JAG1: variants seen among roughly 807,000 people sequenced by gnomAD.
The protein encoded by JAG1 is jagged canonical Notch ligand 1.
A neutral mutation model predicts 148.7 loss-of-function variants in JAG1; 23 were observed. The observed-to-expected ratio is 0.15, with a 90% CI of 0.11 to 0.22. The LOEUF (loss-of-function observed/expected upper bound fraction) is 0.22. Ranked by LOEUF, JAG1 falls within the 10% of genes least tolerant of loss-of-function variation. The pLI, the probability that JAG1 is intolerant of heterozygous loss-of-function variation, is 1.00. For missense variants in JAG1, 1,054 were observed against 1,611.2 expected (o/e 0.65, Z 5.92); for synonymous variants, 572 against 598.3 (o/e 0.96, Z 0.64).
intron 2 of JAG1, among the ~76,000 whole-genome samples, chr20:10,664,530 C>T (rs1387313560): frequency 6.6e-6 from 1 of 152,116 alleles, no homozygotes; most frequent in Non-Finnish European, 1.5e-5. Flanking sequence ...TTTTTAGAAC[C>T]CCTTTGAAAA....
intron 2 of JAG1, among the ~76,000 whole-genome samples, chr20:10,664,545 GTCTA>G (rs997907201): frequency 3.9e-5 from 6 of 152,232 alleles, no homozygotes; most frequent in South Asian, 4.1e-4. Flanking sequence ...TGAAAACTCT[GTCTA>G]TGTGAGACCA....
chr20:10,663,678 G>A (rs563219051), intron 3 of JAG1, among the ~76,000 whole-genome samples: 4 of 152,336 alleles, frequency 2.6e-5, no homozygotes, highest in African/African-American at 9.6e-5. Flanking sequence ...AGGTTTTAAA[G>A]TTGTAAAACC....
rs1273348664 is a variant in JAG1 at position 10,673,372 on chromosome 20, C to G, written c.81+78G>C. ...GCGCTCGAGGGCTGCCGAGCCTGCTCGCGGGGCTCAACCGCCCAGGGCGCC... is the reference window on the plus strand; with the variant it reads ...GCGCTCGAGGGCTGCCGAGCCTGCTGGCGGGGCTCAACCGCCCAGGGCGCC... On this transcript the variant is annotated intron_variant, in intron 1 of 25. Transcript: ENST00000254958. The surrounding 1 kb of genome is among the most constrained non-coding windows in gnomAD (Gnocchi z 4.7). 44 of 1,109,350 alleles carry G rather than the reference C, an allele frequency of 4.0e-5. No individual in the cohort carries two copies. The highest frequency in any genetic ancestry group is 4.7e-5 in the Non-Finnish European group (38 of 800,032). The allele number at this position is 1,109,350 out of a possible 1,614,324, so 68.7% of individuals were successfully genotyped here. A position where few individuals can be genotyped will look rare whatever the true frequency, so the allele number is the denominator to read the frequency against.
chr20:10,653,627 A>C (rs1465514254), intron 5 of JAG1, among the ~76,000 whole-genome samples: 2 of 151,774 alleles, frequency 1.3e-5, no homozygotes, highest in Non-Finnish European at 2.9e-5. Context: ...ACATGTTTCC[A>C]GAACGGGACC....
chr20:10,641,392 G>A, intron 23 of JAG1, 68 bp downstream of exon 23: 1 of 1,521,086 alleles, frequency 6.6e-7, no homozygotes, highest in South Asian at 1.1e-5. Flanking sequence ...CTAGCTCATG[G>A]CATTCCTCCT....
Position 10,651,988 on chromosome 20 carries a change from G to C in JAG1, c.1006+143C>G, listed in dbSNP as rs193273145. 10 of 980,008 alleles carry C rather than the reference G, an allele frequency of 1.0e-5. No homozygotes were observed. The Admixed American group carries it at 1.9e-4, about 19-fold the overall frequency. The allele number at this position is 980,008 out of a possible 1,614,324, so 60.7% of individuals were successfully genotyped here. On this transcript the variant is annotated intron_variant, in intron 7 of 25. Coordinates refer to ENST00000254958, the MANE Select transcript of JAG1 (RefSeq NM_000214.3). ...ACTTTAGAGACTTGAAAGTTACAAAGGCTTATAGAATGGTTGGGATAAGGC... is the reference window on the plus strand; with the variant it reads ...ACTTTAGAGACTTGAAAGTTACAAACGCTTATAGAATGGTTGGGATAAGGC...
chr20:10,646,836 A>G, intron 14 of JAG1, 103 bp downstream of exon 14: 1 of 1,261,370 alleles, frequency 7.9e-7, no homozygotes, highest in East Asian at 2.3e-5. Flanking sequence ...AAAAAAAAAA[A>G]AAAAACTTTC....
chr20:10,641,522 A>T lies in JAG1; in HGVS notation c.2854T>A (p.Ser952Thr). 2 of 1,614,206 alleles carry T rather than the reference A, an allele frequency of 1.2e-6. No individual in the cohort carries two copies. ...TTCGCACAGTTATCCTGGTAATAGG[A>T]GTCAGAGGTGCACTTTGTCTTCACC... ...QPVKTKCTSDSYYQDNCANIT... is the reference protein window; with the variant it reads ...QPVKTKCTSDTYYQDNCANIT... Residue 952 changes from serine to threonine, a missense_variant, in exon 23 of 26, where the codon TCC becomes ACC. Around this residue, in one of 6 missense-constraint regions of JAG1, gnomAD observed 342 missense variants for 514.6 expected, o/e 0.66. Coordinates refer to ENST00000254958, the MANE Select transcript of JAG1 (RefSeq NM_000214.3).
In JAG1 at chr20:10,646,886, G is replaced by A. The variant is rs879143738; in HGVS notation, c.1885+53C>T. 3.2e-6 allele frequency: 5 copies of A among 1,566,938 alleles called. No homozygotes were observed. In the East Asian group the frequency reaches 1.1e-4, roughly 35 times the overall value. On this transcript the variant is annotated intron_variant, in intron 14 of 25. Coordinates refer to ENST00000254958, the MANE Select transcript of JAG1 (RefSeq NM_000214.3). ...CAGGGTGGGCCAGGGGCAGAGGCAG[G>A]GGCAGGGGCAGGCTGGGGAGCACTG...
chr20:10,662,121 T>C (rs1182016836), intron 3 of JAG1: 2 of 152,194 alleles, frequency 1.3e-5, no homozygotes, highest in Admixed American at 1.3e-4. Flanking sequence ...ACCAAACCCA[T>C]CTCCCTCTTC....
At chr20:10,651,752 A>AC (rs1336149931) in intron 7 of JAG1, 58 bp from the exon 8 acceptor site, 1 of 1,077,000 alleles carries the variant, frequency 9.3e-7, no homozygotes, top group Non-Finnish European at 1.4e-6. Flanking sequence ...ACCTCCCCAC[A>AC]CCCCCCTCCA....
In JAG1 at chr20:10,673,217, G is replaced by T. The variant is rs1215724308; in HGVS notation, c.82-211C>A. Among the ~76,000 whole-genome samples, 2 of 152,164 alleles carry T rather than the reference G, an allele frequency of 1.3e-5. No individual in the cohort carries two copies. The highest frequency in any genetic ancestry group is 1.3e-4 in the Admixed American group (2 of 15,284). On this transcript the variant is annotated intron_variant, in intron 1 of 25. Transcript: ENST00000254958. The surrounding 1 kb of genome is among the most constrained non-coding windows in gnomAD (Gnocchi z 4.7). ...CGGAAGAAATCCGACGACTTCCCGG[G>T]GGGCAACAGCGGAGCGAACGCGCCC... is the stretch of plus-strand genomic sequence containing the variant.
chr20:10,668,589 G>A (rs2067473139), intron 2 of JAG1, among the ~76,000 whole-genome samples: 2 of 152,128 alleles, frequency 1.3e-5, no homozygotes, highest in East Asian at 1.9e-4. Context: ...GCCAGTGGGT[G>A]ATATGAATCC....
At position 10,641,500 on chromosome 20, in the gene JAG1, G is replaced by A. The variant is rs747802983; in HGVS notation, c.2876C>T (p.Ala959Val). ...CTTGTTAAAGGTAAATGTGATGTTC[G>A]CACAGTTATCCTGGTAATAGGAGTC... Reference protein sequence around the residue: ...TSDSYYQDNCANITFTFNKEM... With the variant: ...TSDSYYQDNCVNITFTFNKEM... The change falls in exon 23 of 26, where the codon GCG (alanine) becomes GTG (valine). Residue 959 changes from alanine (A) to valine (V), a missense_variant. Ala to Val is a moderately conservative substitution (Grantham distance 64). Around this residue, in one of 6 missense-constraint regions of JAG1, gnomAD observed 342 missense variants for 514.6 expected, o/e 0.66. Transcript: ENST00000254958. 6.8e-6 allele frequency: 11 copies of A among 1,613,914 alleles called. No homozygotes were observed. Among genetic ancestry groups the A allele is most frequent in the South Asian group, 1.1e-5 (1 of 91,078 alleles).
At chr20:10,651,348 C>A (rs917869471) in intron 8 of JAG1, 67 of 496,586 alleles carry the variant, frequency 1.3e-4, no homozygotes, top group Non-Finnish European at 2.2e-4. Context: ...ACAAGCGATT[C>A]CACGAGGACG....
rs527236046 is a variant in JAG1 at position 10,648,607 on chromosome 20, T to C, written c.1511A>G (p.Asn504Ser). The C allele has an allele frequency of 2.4e-5, 39 of 1,614,168 alleles. No homozygotes were observed. The East Asian group carries it at 8.2e-4, about 34-fold the overall frequency. Residue 504 changes from asparagine to serine, a missense_variant, in exon 12 of 26, where the codon AAT becomes AGT. Asn to Ser is a conservative substitution (Grantham distance 46). Coordinates refer to ENST00000254958, the MANE Select transcript of JAG1 (RefSeq NM_000214.3). ...CAGACACTGGAATCTGTTGATTTCA[T>C]TCTGACAGTGACCCCCATTCAAACA... ...NPCLNGGHCQ[N>S]EINRFQCLCP... is the part of the protein sequence containing the mutation.
chr20:10,654,698 A>C (rs2067367368), intron 5 of JAG1, among the ~76,000 whole-genome samples: 1 of 152,196 alleles, frequency 6.6e-6, no homozygotes, highest in Non-Finnish European at 1.5e-5. Flanking sequence ...CTGGGAGACT[A>C]TGCAAATGAT....
intron 8 of JAG1, 80 bp from the exon 9 acceptor site, chr20:10,650,440 A>G (rs533111649): frequency 1.4e-4 from 109 of 803,150 alleles, no homozygotes; most frequent in Admixed American, 2.6e-4. Context: ...CACCTCTTAC[A>G]TGAGGGGCTG....
intron 7 of JAG1, 45 bp from the exon 8 acceptor site, chr20:10,651,739 G>A (rs773525509): frequency 8.1e-6 from 10 of 1,236,094 alleles, no homozygotes; most frequent in East Asian, 2.4e-5. Flanking sequence ...CCTGCACACC[G>A]TTACCTCCCC....
Sources: gnomAD v4.1 joint callset for allele counts (sites outside exome capture counted in the v4.1 genomes callset) on GRCh38, gnomAD v4.1.1 for gene constraint, gnomAD v4.1.1 regional missense constraint, Gnocchi (gnomAD v3.1) non-coding constraint, MANE v1.5 for transcripts, NCBI Gene and HGNC (gene_info 2026-07-23, HGNC 2026-07-21) for gene names.